Variants in FREM3 observed in about 807,000 individuals in gnomAD.
FREM3 encodes the protein FRAS1-related extracellular matrix protein 3.
FREM3 carries 105 observed loss-of-function variants against 129.1 expected under a neutral mutation model. The ratio of observed to expected loss-of-function variants is 0.81; its 90% confidence interval spans 0.69 to 0.96. FREM3 has a LOEUF of 0.96. FREM3 is among the 40% of genes least tolerant of loss of function. FREM3 has a pLI of 0.00. For missense variants in FREM3, 2,593 were observed against 2,666.3 expected (o/e 0.97, Z 0.61); for synonymous variants, 1,014 against 1,044.9 (o/e 0.97, Z 0.57).
At chr4:143,589,335 T>C (rs1387658870) in intron 6 of FREM3, among the ~76,000 whole-genome samples, 2 of 152,232 alleles carry the variant, frequency 1.3e-5, no homozygotes, top group Non-Finnish European at 2.9e-5. Context: ...TCCTGAATGG[T>C]ATTGCCTAGG....
chr4:143,678,141 C>T (rs1397060145), intron 2 of FREM3, among the ~76,000 whole-genome samples: 1 of 152,036 alleles, frequency 6.6e-6, no homozygotes, highest in Non-Finnish European at 1.5e-5. Context: ...GAACCAATGC[C>T]AATGTCCAAC....
chr4:143,664,633 A>G (rs1410756288), intron 2 of FREM3, among the ~76,000 whole-genome samples: 1 of 152,124 alleles, frequency 6.6e-6, no homozygotes, highest in Non-Finnish European at 1.5e-5. Flanking sequence ...AGACTTGGAC[A>G]TTTAAGTCTG....
intron 2 of FREM3, among the ~76,000 whole-genome samples, chr4:143,650,601 C>T: frequency 6.6e-6 from 1 of 152,218 alleles, no homozygotes; most frequent in Admixed American, 6.5e-5. Flanking sequence ...AGCTGTCCTC[C>T]CACCTCAGCT....
intron 2 of FREM3, among the ~76,000 whole-genome samples, chr4:143,651,632 T>C (rs1327708684): frequency 1.2e-4 from 18 of 152,232 alleles, no homozygotes; most frequent in Non-Finnish European, 2.6e-4. Flanking sequence ...ACTGAAATGC[T>C]ATAAGTCGGT....
At chr4:143,600,245 A>G (rs1738549257) in intron 6 of FREM3, among the ~76,000 whole-genome samples, 1 of 152,172 alleles carries the variant, frequency 6.6e-6, no homozygotes, top group Non-Finnish European at 1.5e-5. Flanking sequence ...GGAAAACTAA[A>G]CATCATTTTG....
chr4:143,594,283 G>A (rs1738424836), intron 6 of FREM3, among the ~76,000 whole-genome samples: 1 of 152,180 alleles, frequency 6.6e-6, no homozygotes, highest in Non-Finnish European at 1.5e-5. Flanking sequence ...TGGTACCTCA[G>A]TTGGAAATGC....
chr4:143,607,321 C>A (rs752800334), intron 6 of FREM3, among the ~76,000 whole-genome samples: 1 of 152,152 alleles, frequency 6.6e-6, no homozygotes, highest in Non-Finnish European at 1.5e-5. Flanking sequence ...TCTCTATCCT[C>A]AAGTTCCACC....
In FREM3 at chr4:143,697,577, A is replaced by T. The variant is rs1279230545; in HGVS notation, c.3099T>A (p.Asp1033Glu). 34 of 1,537,460 alleles carry T rather than the reference A, an allele frequency of 2.2e-5. No homozygotes were observed. Among genetic ancestry groups the T allele is most frequent in the Non-Finnish European group, 3.0e-5 (34 of 1,146,984 alleles). Residue 1033 changes from aspartate (D) to glutamate (E), a missense_variant, in exon 1 of 8, where the codon GAT (aspartate) becomes GAA (glutamate). By Grantham distance (45) the Asp-to-Glu change is conservative. This residue lies in a region of FREM3 where 2,276 missense variants were observed against 2,267.2 expected (regional missense o/e 1.00). Transcript: ENST00000329798. ...AGEVGFQKQH[D>E]AFSLILSKDS... The stretch of plus-strand genomic sequence containing the variant: ...CTTTGGAGAGGATGAGGCTGAAGGC[A>T]TCGTGCTGCTTTTGAAAACCAACTT...
intron 2 of FREM3, among the ~76,000 whole-genome samples, chr4:143,667,528 T>C (rs1739885558): frequency 6.6e-6 from 1 of 152,232 alleles, no homozygotes; most frequent in Non-Finnish European, 1.5e-5. Flanking sequence ...AATCATTGTC[T>C]CAGGAAACTC....
chr4:143,666,719 C>A (rs1739869152), intron 2 of FREM3, among the ~76,000 whole-genome samples: 1 of 151,946 alleles, frequency 6.6e-6, no homozygotes, highest in Admixed American at 6.6e-5. Context: ...TTACCAGAGG[C>A]TGGAGAAAGG....
chr4:143,665,894 T>A (rs1379291211), intron 2 of FREM3, among the ~76,000 whole-genome samples: 1 of 152,138 alleles, frequency 6.6e-6, no homozygotes, highest in African/African-American at 2.4e-5. Flanking sequence ...CTGAAATGCA[T>A]ATTATGTTTT....
chr4:143,594,775 A>T lies in FREM3; in HGVS notation c.6029-8782T>A, dbSNP rs1044635756. 5.9e-5 allele frequency among the ~76,000 whole-genome samples: 9 copies of T among 152,362 alleles called. 1 individual carries two copies. The East Asian group carries it at 1.7e-3, about 29-fold the overall frequency. ...AAAAATGTCATGAAATTCTTTCTAGATGCTCTAGGTATTGAGCATCAGGAG... is the reference window on the plus strand; with the variant it reads ...AAAAATGTCATGAAATTCTTTCTAGTTGCTCTAGGTATTGAGCATCAGGAG... On this transcript the variant is annotated intron_variant, in intron 6 of 7. Transcript: ENST00000329798.
At chr4:143,619,942 AC>A (rs1444822311) in intron 5 of FREM3, among the ~76,000 whole-genome samples, 2 of 152,206 alleles carry the variant, frequency 1.3e-5, no homozygotes, top group Non-Finnish European at 2.9e-5. Flanking sequence ...TCCCTTGCTG[AC>A]ATATCAACAA....
chr4:143,671,832 G>T (rs575017018), intron 2 of FREM3, among the ~76,000 whole-genome samples: 41 of 152,318 alleles, frequency 2.7e-4, no homozygotes, highest in African/African-American at 9.9e-4. Flanking sequence ...CAGCTACTTT[G>T]TAAAAGTATG....
chr4:143,686,571 T>C (rs1373873525), intron 2 of FREM3, among the ~76,000 whole-genome samples: 1 of 152,176 alleles, frequency 6.6e-6, no homozygotes, highest in African/African-American at 2.4e-5. Flanking sequence ...CATCATATGA[T>C]AGGCCATAAA....
Position 143,697,608 on chromosome 4 carries a change from G to T in FREM3, c.3068C>A (p.Ala1023Glu). ...CTGCTTTTGAAAACCAACTTCACCT[G>T]CAGTGTGGGCATAGGCTACTCTCCC... is the stretch of plus-strand genomic sequence containing the variant. ...INGRVAYAHT[A>E]GEVGFQKQHD... is the part of the protein sequence containing the mutation. The change falls in exon 1 of 8, where the codon GCA (alanine) becomes GAA (glutamate). Residue 1023 changes from alanine (A) to glutamate (E), a missense_variant. Ala to Glu is a moderately radical substitution (Grantham distance 107, BLOSUM62 -1). This residue lies in a region of FREM3 where 2,276 missense variants were observed against 2,267.2 expected (regional missense o/e 1.00). Coordinates refer to ENST00000329798, the MANE Select transcript of FREM3 (RefSeq NM_001168235.2). 6.5e-7 allele frequency: 1 copy of T among 1,537,782 alleles called. No individual in the cohort carries two copies. Among genetic ancestry groups the T allele is most frequent in the Non-Finnish European group, 8.7e-7 (1 of 1,147,028 alleles).
intron 3 of FREM3, among the ~76,000 whole-genome samples, chr4:143,626,782 G>C (rs1739043867): frequency 6.6e-6 from 1 of 152,084 alleles, no homozygotes; most frequent in South Asian, 2.1e-4. Flanking sequence ...CCCTTTCCTT[G>C]ATTGCTTGTT....
chr4:143,658,326 G>A (rs933463560), intron 2 of FREM3, among the ~76,000 whole-genome samples: 5 of 152,290 alleles, frequency 3.3e-5, no homozygotes, highest in African/African-American at 1.2e-4. Context: ...ACAGCATGAG[G>A]ACACAGTAAG....
At chr4:143,674,916 G>C (rs1740079998) in intron 2 of FREM3, among the ~76,000 whole-genome samples, 1 of 152,146 alleles carries the variant, frequency 6.6e-6, no homozygotes, top group Non-Finnish European at 1.5e-5. Context: ...CATACAAAGA[G>C]ACTTAGACTC....
Sources: gnomAD v4.1 joint callset for allele counts (sites outside exome capture counted in the v4.1 genomes callset) on GRCh38, gnomAD v4.1.1 for gene constraint, gnomAD v4.1.1 regional missense constraint, MANE v1.5 for transcripts, NCBI Gene and HGNC (gene_info 2026-07-23, HGNC 2026-07-21) for gene names.